Variants in RIPOR2 observed in about 807,000 individuals in gnomAD.
RIPOR2 encodes the protein RHO family interacting cell polarization regulator 2, also known as rho family-interacting cell polarization regulator 2.
A neutral mutation model predicts 114.5 loss-of-function variants in RIPOR2; 39 were observed. The ratio of observed to expected loss-of-function variants is 0.34; its 90% CI spans 0.26 to 0.44. The LOEUF is 0.44. RIPOR2 is among the 20% of genes least tolerant of loss of function. The pLI is 1.00. For missense variants in RIPOR2, 1,007 were observed against 1,255.1 expected (o/e 0.80, Z 2.99); for synonymous variants, 445 against 484.4 (o/e 0.92, Z 1.07).
intron 1 of RIPOR2, among the ~76,000 whole-genome samples, chr6:24,972,816 T>C (rs1773844987): frequency 1.3e-5 from 2 of 152,200 alleles, no homozygotes; most frequent in South Asian, 4.1e-4. Context: ...CTGGACAAAT[T>C]TTAGAAGCTT....
At chr6:24,837,699 C>A (rs1054066025) in intron 14 of RIPOR2, among the ~76,000 whole-genome samples, 3 of 152,212 alleles carry the variant, frequency 2.0e-5, no homozygotes, top group Non-Finnish European at 4.4e-5. Context: ...CATGAGCCAT[C>A]ATGCCTGGCC....
chr6:24,887,065 A>G (rs1766903979), intron 1 of RIPOR2, among the ~76,000 whole-genome samples: 1 of 152,192 alleles, frequency 6.6e-6, no homozygotes. Context: ...ATAATCCACT[A>G]CTATAATTTG....
At chr6:24,997,202 T>G (rs1393376415) in intron 1 of RIPOR2, among the ~76,000 whole-genome samples, 1 of 152,198 alleles carries the variant, frequency 6.6e-6, no homozygotes, top group African/African-American at 2.4e-5. Context: ...CATTTGTGTT[T>G]TAAAAAACTC....
At chr6:24,853,130 T>G (rs1260892554) in intron 8 of RIPOR2, among the ~76,000 whole-genome samples, 1 of 152,218 alleles carries the variant, frequency 6.6e-6, no homozygotes, top group Non-Finnish European at 1.5e-5. Flanking sequence ...TCTGGTGTAA[T>G]GATACAATTT....
intron 5 of RIPOR2, among the ~76,000 whole-genome samples, chr6:24,870,117 A>G (rs1765016078): frequency 6.6e-6 from 1 of 152,244 alleles, no homozygotes; most frequent in African/African-American, 2.4e-5. Flanking sequence ...TTTCTTGATA[A>G]CTATAAAATG....
At chr6:24,838,813 T>G (rs950330261) in intron 14 of RIPOR2, among the ~76,000 whole-genome samples, 1 of 152,088 alleles carries the variant, frequency 6.6e-6, no homozygotes, top group South Asian at 2.1e-4. Flanking sequence ...TGTGTACACA[T>G]GTACTTGTAT....
chr6:24,972,178 T>A (rs1335302316), intron 1 of RIPOR2, among the ~76,000 whole-genome samples: 1 of 152,178 alleles, frequency 6.6e-6, no homozygotes, highest in Non-Finnish European at 1.5e-5. Flanking sequence ...AAAATTTATA[T>A]TTGAATCTTA....
chr6:25,031,724 T>G (rs1243084956), intron 1 of RIPOR2, among the ~76,000 whole-genome samples: 1 of 104,444 alleles, frequency 9.6e-6, no homozygotes, highest in African/African-American at 4.5e-5. Flanking sequence ...TATATATATA[T>G]ATATATATAT....
At chr6:25,032,599 C>T (rs1777046533) in intron 1 of RIPOR2, among the ~76,000 whole-genome samples, 1 of 152,172 alleles carries the variant, frequency 6.6e-6, no homozygotes, top group African/African-American at 2.4e-5. Flanking sequence ...CCCGATTACC[C>T]TGACCTTTAA....
At chr6:24,915,121 C>T (rs1406864591) in intron 1 of RIPOR2, among the ~76,000 whole-genome samples, 1 of 152,168 alleles carries the variant, frequency 6.6e-6, no homozygotes, top group African/African-American at 2.4e-5. Flanking sequence ...AACTGTGATG[C>T]TTCTTATCCA....
At chr6:24,975,492 C>T (rs1178455822) in intron 1 of RIPOR2, among the ~76,000 whole-genome samples, 1 of 152,070 alleles carries the variant, frequency 6.6e-6, no homozygotes, top group Non-Finnish European at 1.5e-5. Flanking sequence ...GTTATCAGAC[C>T]TAATGTTCAG....
At chr6:25,027,821 G>A (rs145025004) in intron 1 of RIPOR2, among the ~76,000 whole-genome samples, 85 of 152,356 alleles carry the variant, frequency 5.6e-4, no homozygotes, top group Non-Finnish European at 1.0e-3. Flanking sequence ...GGCAAGTTCC[G>A]TGGGTCAGGG....
chr6:24,917,278 C>A (rs1472808622), intron 1 of RIPOR2, among the ~76,000 whole-genome samples: 1 of 152,118 alleles, frequency 6.6e-6, no homozygotes, highest in Non-Finnish European at 1.5e-5. Flanking sequence ...CCTCATGAGT[C>A]TTTAGTTCAC....
chr6:24,875,952 A>C (rs1765696606), intron 1 of RIPOR2, 135 bp from the exon 2 acceptor site: 1 of 777,764 alleles, frequency 1.3e-6, no homozygotes, highest in African/African-American at 1.8e-5. Flanking sequence ...TTTATTATGG[A>C]GTGTCCTGAA....
intron 1 of RIPOR2, among the ~76,000 whole-genome samples, chr6:24,964,933 C>G (rs866035858): frequency 2.0e-5 from 3 of 152,124 alleles, no homozygotes; most frequent in African/African-American, 7.2e-5. Context: ...ATCTGTATTT[C>G]TTTTTGGTGA....
intron 1 of RIPOR2, among the ~76,000 whole-genome samples, chr6:24,969,590 C>T (rs553090848): frequency 6.6e-6 from 1 of 152,190 alleles, no homozygotes; most frequent in Admixed American, 6.5e-5. Flanking sequence ...GTTGAGGGGC[C>T]CTCTAAGCCA....
intron 8 of RIPOR2, among the ~76,000 whole-genome samples, 164 bp downstream of exon 8, chr6:24,860,809 C>G (rs904844052): frequency 6.6e-6 from 1 of 152,084 alleles, no homozygotes; most frequent in African/African-American, 2.4e-5. Flanking sequence ...AGGTAAGCCT[C>G]AGGATGAGAA....
At chr6:24,842,067 T>C (rs747000800) in intron 13 of RIPOR2, among the ~76,000 whole-genome samples, 1 of 152,218 alleles carries the variant, frequency 6.6e-6, no homozygotes, top group Non-Finnish European at 1.5e-5. Context: ...TTTTCTTTTA[T>C]ATGACAATAT....
intron 1 of RIPOR2, among the ~76,000 whole-genome samples, chr6:24,985,620 C>T (rs1035260775): frequency 3.3e-5 from 5 of 152,120 alleles, no homozygotes; most frequent in Non-Finnish European, 7.4e-5. Flanking sequence ...TTCTATCCCC[C>T]GCTCCCTTCA....
Sources: allele counts gnomAD v4.1 joint callset (sites outside exome capture counted in the v4.1 genomes callset), GRCh38; gene constraint gnomAD v4.1.1; transcripts MANE v1.5; gene names NCBI Gene and HGNC (gene_info 2026-07-23, HGNC 2026-07-21).